Variants in NCAM1 observed in about 807,000 individuals in gnomAD.
NCAM1 encodes the protein antigen recognized by monoclonal antibody 5.1H11.
A neutral mutation model predicts 109.8 loss-of-function variants in NCAM1; 14 were observed. The observed-to-expected ratio is 0.13, with a 90% CI of 0.08 to 0.20. The LOEUF is 0.20. NCAM1 is among the 10% of genes least tolerant of loss of function. The pLI, the probability that NCAM1 is intolerant of heterozygous loss-of-function variation, is 1.00. For missense variants in NCAM1, 774 were observed against 1,109.9 expected, an observed-to-expected ratio of 0.70 and a Z score of 4.30; for synonymous variants, 418 against 442.9, an observed-to-expected ratio of 0.94 and a Z score of 0.70.
intron 15 of NCAM1, among the ~76,000 whole-genome samples, chr11:113,253,960 T>C (rs1250562584): frequency 6.6e-6 from 1 of 152,214 alleles, no homozygotes; most frequent in Non-Finnish European, 1.5e-5. Context: ...GATGAGTTGG[T>C]CACCCCAATT....
chr11:113,201,145 C>G (rs782466206), intron 1 of NCAM1, among the ~76,000 whole-genome samples: 2 of 152,126 alleles, frequency 1.3e-5, no homozygotes, highest in African/African-American at 4.8e-5. Flanking sequence ...TTGTCTGTTG[C>G]TGGCATGGTT....
intron 1 of NCAM1, among the ~76,000 whole-genome samples, chr11:113,155,377 T>A (rs1942371194): frequency 6.6e-6 from 1 of 151,722 alleles, no homozygotes; most frequent in Admixed American, 6.6e-5. Context: ...GGTGTGGTGG[T>A]GGGTACCTGT....
intron 1 of NCAM1, among the ~76,000 whole-genome samples, chr11:113,029,696 AG>A (rs1239752177): frequency 2.0e-5 from 3 of 152,248 alleles, no homozygotes; most frequent in African/African-American, 7.2e-5. Context: ...AAAGACTTAA[AG>A]CATGCTTTTT....
intron 1 of NCAM1, among the ~76,000 whole-genome samples, chr11:113,167,685 G>A (rs572540251): frequency 2.6e-5 from 4 of 152,272 alleles, no homozygotes; most frequent in East Asian, 3.9e-4. Context: ...GGAGAAGTGA[G>A]GTCCCACTCC....
intron 1 of NCAM1, among the ~76,000 whole-genome samples, chr11:113,028,002 A>C (rs1371891432): frequency 5.9e-5 from 9 of 152,196 alleles, no homozygotes; most frequent in South Asian, 2.1e-4. Flanking sequence ...AGCTGATCTC[A>C]TAGAAGCAGA....
At chr11:113,205,862 AC>A (rs1441513336) in intron 4 of NCAM1, among the ~76,000 whole-genome samples, 180 bp from the exon 5 acceptor site, 1 of 152,166 alleles carries the variant, frequency 6.6e-6, no homozygotes. Context: ...AGTACGAAAG[AC>A]AAATTTCTAA....
chr11:113,225,928 G>A (rs2137151216), intron 9 of NCAM1, among the ~76,000 whole-genome samples: 1 of 152,240 alleles, frequency 6.6e-6, no homozygotes. Flanking sequence ...AGCTCCTGAA[G>A]GAAGCACTAA....
At chr11:113,118,097 C>A (rs1210433245) in intron 1 of NCAM1, among the ~76,000 whole-genome samples, 2 of 151,852 alleles carry the variant, frequency 1.3e-5, no homozygotes, top group Admixed American at 6.6e-5. Context: ...ATTTAAATAA[C>A]CCACTATAAA....
intron 17 of NCAM1, chr11:113,263,741 G>C (rs551550553): frequency 1.0e-6 from 1 of 985,510 alleles, no homozygotes; most frequent in East Asian, 1.1e-4. Flanking sequence ...GTTCAGCAGT[G>C]ACCCACAGAA....
At chr11:112,966,344 A>G (rs1950727197) in intron 1 of NCAM1, among the ~76,000 whole-genome samples, 2 of 152,254 alleles carry the variant, frequency 1.3e-5, no homozygotes, top group Non-Finnish European at 2.9e-5. Context: ...TTTACTTTTC[A>G]TAATATACTC....
intron 1 of NCAM1, among the ~76,000 whole-genome samples, chr11:113,091,373 A>G (rs1939336652): frequency 6.6e-6 from 1 of 152,100 alleles, no homozygotes; most frequent in African/African-American, 2.4e-5. Flanking sequence ...TATGCTGCAG[A>G]TGTTTTATCG....
rs367916249 is a variant in NCAM1, at chr11:113,275,276, C to A, written c.2466C>A (p.Pro822=). Residue 822 remains proline (P), a synonymous_variant, in exon 20 of 20, where the codon CCC becomes CCA. Transcript: ENST00000316851. ...TCCTGATTCTCTGCAGGAAGGGCCCCGTAGAAGCAAAGCCAGAGTGCCAGG... is the reference window on the plus strand; with the variant it reads ...TCCTGATTCTCTGCAGGAAGGGCCCAGTAGAAGCAAAGCCAGAGTGCCAGG... ...TTPLTEPEKG[P]VEAKPECQET... The A allele has an allele frequency of 6.2e-7, 1 of 1,613,626 alleles. No individual in the cohort carries two copies. Among genetic ancestry groups the A allele is most frequent in the East Asian group, 2.2e-5 (1 of 44,870 alleles).
chr11:113,078,303 C>T (rs80263692), intron 1 of NCAM1, among the ~76,000 whole-genome samples: 6 of 152,170 alleles, frequency 3.9e-5, no homozygotes, highest in East Asian at 3.9e-4. Context: ...TTTAAGGACA[C>T]GAGTCATTGG....
intron 15 of NCAM1, among the ~76,000 whole-genome samples, chr11:113,251,861 A>C (rs1466307654): frequency 6.6e-6 from 1 of 152,250 alleles, no homozygotes; most frequent in Non-Finnish European, 1.5e-5. Flanking sequence ...TCGATAAAGC[A>C]GTCAGCCTCC....
intron 1 of NCAM1, among the ~76,000 whole-genome samples, chr11:113,029,143 G>A (rs1161915916): frequency 6.6e-6 from 1 of 152,150 alleles, no homozygotes; most frequent in Non-Finnish European, 1.5e-5. Context: ...GTCAGTCAGT[G>A]GTAATATCCT....
chr11:113,124,731 C>T (rs910869987), intron 1 of NCAM1, among the ~76,000 whole-genome samples: 1 of 152,192 alleles, frequency 6.6e-6, no homozygotes, highest in Non-Finnish European at 1.5e-5. Context: ...AAAGAATTCC[C>T]ATTTTTCCTG....
chr11:113,062,797 C>T (rs1937732726), intron 1 of NCAM1, among the ~76,000 whole-genome samples: 1 of 152,036 alleles, frequency 6.6e-6, no homozygotes, highest in Admixed American at 6.6e-5. Flanking sequence ...CATATTGAGA[C>T]TTTACCAAAA....
At chr11:113,036,859 C>A (rs1952906648) in intron 1 of NCAM1, among the ~76,000 whole-genome samples, 1 of 152,150 alleles carries the variant, frequency 6.6e-6, no homozygotes, top group Admixed American at 6.5e-5. Flanking sequence ...CATCTGAATT[C>A]TGGTGCCTGG....
intron 1 of NCAM1, among the ~76,000 whole-genome samples, chr11:113,135,044 A>T (rs1340367813): frequency 6.6e-6 from 1 of 152,078 alleles, no homozygotes; most frequent in African/African-American, 2.4e-5. Flanking sequence ...TGAGGTTCTG[A>T]TGGTGAAAAA....
Sources: allele counts gnomAD v4.1 joint callset (sites outside exome capture counted in the v4.1 genomes callset), GRCh38; gene constraint gnomAD v4.1.1; transcripts MANE v1.5; gene names NCBI Gene and HGNC (gene_info 2026-07-23, HGNC 2026-07-21).